SLC35A5: variants seen among roughly 807,000 people sequenced by gnomAD.
SLC35A5 encodes solute carrier family 35 member A5, also known as UDP-sugar transporter protein SLC35A5.
Under a neutral mutation model 36.3 loss-of-function variants are expected in SLC35A5, and 28 were observed. The observed-to-expected ratio is 0.77, with a 90% CI of 0.57 to 1.06. The LOEUF is 1.06. SLC35A5 is among the 50% of genes least tolerant of loss of function. The pLI is 0.00. For missense variants in SLC35A5, 521 were observed against 499.3 expected, an observed-to-expected ratio of 1.04 and a Z score of -0.41; for synonymous variants, 180 against 173.7, an observed-to-expected ratio of 1.04 and a Z score of -0.29.
At chr3:112,567,479 A>G (rs1934249749) in intron 2 of SLC35A5, among the ~76,000 whole-genome samples, 1 of 152,052 alleles carries the variant, frequency 6.6e-6, no homozygotes, top group Non-Finnish European at 1.5e-5. Context: ...TTTTTAGTAG[A>G]TACGTGGTTT....
Position 112,581,152 on chromosome 3 carries a change from A to G in SLC35A5, c.1035A>G (p.Thr345=). Residue 345 remains threonine, a synonymous_variant, in exon 6 of 7, where the codon ACA becomes ACG. Coordinates refer to ENST00000492406, the MANE Select transcript of SLC35A5 (RefSeq NM_017945.5). ...AGGTTACCACTGTCATTATCACAACAGTGTCTGTCCTGGTCTTTGACTTCA... is the reference window on the plus strand; with the variant it reads ...AGGTTACCACTGTCATTATCACAACGGTGTCTGTCCTGGTCTTTGACTTCA... ...MAQVTTVIIT[T]VSVLVFDFRP... 6.2e-7 allele frequency: 1 copy of G among 1,613,994 alleles called. No homozygotes were observed. The highest frequency in any genetic ancestry group is 8.5e-7 in the Non-Finnish European group (1 of 1,179,944).
rs73229388 is a variant in SLC35A5 at position 112,566,359 on chromosome 3, A to G, written c.131-2812A>G. On this transcript the variant is annotated intron_variant, in intron 2 of 6. Coordinates refer to ENST00000492406, the MANE Select transcript of SLC35A5 (RefSeq NM_017945.5). ...GAGGGAAATACCAATTATATGAATA[A>G]ATAGGAGGTAGGTTTTCGTTTGGAT... Among the ~76,000 whole-genome samples, 1,149 of 152,326 alleles carry G rather than the reference A, an allele frequency of 7.5e-3. 6 individuals carry two copies. Among genetic ancestry groups the G allele is most frequent in the Non-Finnish European group, 0.012 (797 of 68,026 alleles).
At position 112,583,196 on chromosome 3, in the gene SLC35A5, T is replaced by C. The variant is rs1935011224; in HGVS notation, c.*460T>C. On this transcript the variant is annotated 3_prime_UTR_variant, in exon 7 of 7. Transcript: ENST00000492406. ...TTTTGAGGCCCTAGAGATAGTCATT[T>C]TGCAAGTAAAGAGCAACGGGACCCT... is the stretch of plus-strand genomic sequence containing the variant. The C allele has an allele frequency of 1.0e-5, 4 of 398,048 alleles. No homozygotes were observed. The East Asian group carries it at 1.4e-4, about 14-fold the overall frequency. The allele number at this position is 398,048 out of a possible 1,614,324, so 24.7% of individuals were successfully genotyped here.
At chr3:112,575,233 A>G (rs373946534) in intron 5 of SLC35A5, among the ~76,000 whole-genome samples, 6 of 152,174 alleles carry the variant, frequency 3.9e-5, no homozygotes, top group African/African-American at 1.4e-4. Context: ...AGGTCTCAAA[A>G]ACATGTATTT....
chr3:112,564,169 T>C (rs1934082755), intron 2 of SLC35A5: 1 of 151,860 alleles, frequency 6.6e-6, no homozygotes, highest in African/African-American at 2.4e-5. Context: ...AGACAAAGTA[T>C]AGAGAAAGAA....
At position 112,582,704 on chromosome 3, in the gene SLC35A5, A is replaced by G. The variant is rs780945610; in HGVS notation, c.1243A>G (p.Lys415Glu). ...GEELERLTKP[K>E]SDESDEDTF ...AGAACTAGAAAGACTTACCAAACCC[A>G]AGAGTGATGAGTCAGATGAAGATAC... The change falls in exon 7 of 7, where the codon AAG (lysine) becomes GAG (glutamate). Residue 415 changes from lysine (K) to glutamate (E), a missense_variant. By Grantham distance (56) the Lys-to-Glu change is moderately conservative. Coordinates refer to ENST00000492406, the MANE Select transcript of SLC35A5 (RefSeq NM_017945.5). 6.2e-7 allele frequency: 1 copy of G among 1,612,910 alleles called. No individual in the cohort carries two copies. Among genetic ancestry groups the G allele is most frequent in the Non-Finnish European group, 8.5e-7 (1 of 1,179,212 alleles).
At chr3:112,574,080 T>A in intron 5 of SLC35A5, 124 bp downstream of exon 5, 1 of 799,604 alleles carries the variant, frequency 1.3e-6, no homozygotes, top group Non-Finnish European at 2.0e-6. Context: ...TAATTGACTT[T>A]GTGTACTGGG....
intron 2 of SLC35A5, among the ~76,000 whole-genome samples, 168 bp downstream of exon 2, chr3:112,563,701 A>C (rs1934058341): frequency 6.6e-6 from 1 of 152,272 alleles, no homozygotes; most frequent in African/African-American, 2.4e-5. Flanking sequence ...CTCAACAAGA[A>C]AAAATGTTTG....
intron 2 of SLC35A5, among the ~76,000 whole-genome samples, chr3:112,567,093 G>A (rs1934229723): frequency 6.6e-6 from 1 of 151,956 alleles, no homozygotes; most frequent in Non-Finnish European, 1.5e-5. Context: ...GGGCGTGGTG[G>A]CGGGCACCTG....
At chr3:112,571,968 C>G (rs1346373948) in intron 4 of SLC35A5, among the ~76,000 whole-genome samples, 1 of 105,784 alleles carries the variant, frequency 9.5e-6, no homozygotes, top group African/African-American at 3.7e-5. Flanking sequence ...CGGAGTCTTG[C>G]TCTGTCGCCC....
intron 6 of SLC35A5, 66 bp downstream of exon 6, chr3:112,581,392 A>G (rs538184145): frequency 2.7e-6 from 4 of 1,458,418 alleles, no homozygotes; most frequent in African/African-American, 2.8e-5. Flanking sequence ...TAATTCAAGG[A>G]AAAAAATAAA....
In SLC35A5 at chr3:112,563,390, TAAA is replaced by T. The variant is rs745690510; in HGVS notation, c.-10_-8del. On this transcript the variant is annotated 5_prime_UTR_variant, in exon 2 of 7. Coordinates refer to ENST00000492406, the MANE Select transcript of SLC35A5 (RefSeq NM_017945.5). ...AAAGTGTTTTTCTCTTTAAGGTAAT[TAAA>T]AAACAGTGGAATGGAAAAACAGTGC... 5 of 1,489,342 alleles carry T rather than the reference TAAA, an allele frequency of 3.4e-6. No individual in the cohort carries two copies. The South Asian group carries it at 5.4e-5, about 16-fold the overall frequency. The allele number at this position is 1,489,342 out of a possible 1,614,324, so 92.3% of individuals were successfully genotyped here.
Position 112,570,668 on chromosome 3 carries a change from C to A in SLC35A5, c.358C>A (p.Pro120Thr). ...CTTCTATGTCCTGTCCTATCTTCAACCAGTAAGTAAATATGAAAAAGAAAA... is the reference window on the plus strand; with the variant it reads ...CTTCTATGTCCTGTCCTATCTTCAAACAGTAAGTAAATATGAAAAAGAAAA... Reference protein sequence around the residue: ...IVFYVLSYLQPAMAVIFSNFS... With the variant: ...IVFYVLSYLQTAMAVIFSNFS... Residue 120 changes from proline to threonine, a missense_variant and splice_region_variant, in exon 4 of 7, where the codon CCA becomes ACA. By Grantham distance (38) the Pro-to-Thr change is conservative. Transcript: ENST00000492406. 1.9e-6 allele frequency: 3 copies of A among 1,553,462 alleles called. No homozygotes were observed. The highest frequency in any genetic ancestry group is 2.1e-5 in the Admixed American group (1 of 48,660).
At chr3:112,571,307 A>C (rs777001414) in intron 4 of SLC35A5, among the ~76,000 whole-genome samples, 1 of 152,130 alleles carries the variant, frequency 6.6e-6, no homozygotes, top group Non-Finnish European at 1.5e-5. Context: ...GCTTTCACTT[A>C]TTACTCAGTT....
At chr3:112,565,305 T>C (rs1934146499) in intron 2 of SLC35A5, among the ~76,000 whole-genome samples, 1 of 152,126 alleles carries the variant, frequency 6.6e-6, no homozygotes, top group South Asian at 2.1e-4. Context: ...TGGTAGGGGA[T>C]GATGTGGAGT....
Position 112,570,657 on chromosome 3 carries a change from C to G in SLC35A5, c.347C>G (p.Ser116Cys), listed in dbSNP as rs770294902. Residue 116 changes from serine to cysteine, a missense_variant, in exon 4 of 7, where the codon TCC (serine) becomes TGC (cysteine). Coordinates refer to ENST00000492406, the MANE Select transcript of SLC35A5 (RefSeq NM_017945.5). Reference sequence around the variant, plus strand: ...AACTTGATTGTCTTCTATGTCCTGTCCTATCTTCAACCAGTAAGTAAATAT... The same window carrying G: ...AACTTGATTGTCTTCTATGTCCTGTGCTATCTTCAACCAGTAAGTAAATAT... ...LDNLIVFYVL[S>C]YLQPAMAVIF... 1.9e-6 allele frequency: 3 copies of G among 1,589,674 alleles called. No homozygotes were observed. The Admixed American group carries it at 5.3e-5, about 28-fold the overall frequency.
In SLC35A5 at chr3:112,580,884, A is replaced by G; in HGVS notation, c.767A>G (p.Glu256Gly). The G allele has an allele frequency of 1.2e-6, 2 of 1,614,152 alleles. No homozygotes were observed. Among genetic ancestry groups the G allele is most frequent in the Non-Finnish European group, 1.7e-6 (2 of 1,179,990 alleles). ...ATCTATAATGAAAAGATACTGAAGGAAGGGAACCAGCTCACTGAAAGCATC... is the reference window on the plus strand; with the variant it reads ...ATCTATAATGAAAAGATACTGAAGGGAGGGAACCAGCTCACTGAAAGCATC... Reference protein sequence around the residue: ...ANIYNEKILKEGNQLTESIFI... With the variant: ...ANIYNEKILKGGNQLTESIFI... Residue 256 changes from glutamate to glycine, a missense_variant, in exon 6 of 7, where the codon GAA (glutamate) becomes GGA (glycine). Glu to Gly is a moderately conservative substitution (Grantham distance 98, BLOSUM62 -2). Coordinates refer to ENST00000492406, the MANE Select transcript of SLC35A5 (RefSeq NM_017945.5).
At chr3:112,561,414 GAGCATGTGCCTGACAGCTCCCGGCA>G, upstream of SLC35A5, 1 of 1,596,720 alleles carries the variant, frequency 6.3e-7, no homozygotes, top group Non-Finnish European at 8.6e-7. Context: ...CTGAAAAGTC[GAGCATGTGCCTGACAGCTCCCGGCA>G]ACCCTGGCCT....
Position 112,584,184 on chromosome 3 carries a change from G to A in SLC35A5, c.*1448G>A, listed in dbSNP as rs1425024077. The A allele has an allele frequency of 6.6e-6, 1 of 152,104 alleles. No homozygotes were observed. The highest frequency in any genetic ancestry group is 1.5e-5 in the Non-Finnish European group (1 of 68,010). 9.4% of individuals were successfully genotyped at this position (152,104 alleles called of 1,614,324 possible). A position where few individuals can be genotyped will look rare whatever the true frequency, so the allele number is the denominator to read the frequency against. The stretch of plus-strand genomic sequence containing the variant: ...TCTTGTGTTGCCACTCTGTCATTTA[G>A]GGTGGGATGTAGAGTACTTTTAATC... On this transcript the variant is annotated 3_prime_UTR_variant, in exon 7 of 7. Transcript: ENST00000492406.
Sources: allele counts gnomAD v4.1 joint callset (sites outside exome capture counted in the v4.1 genomes callset), GRCh38; gene constraint gnomAD v4.1.1; transcripts MANE v1.5; gene names NCBI Gene and HGNC (gene_info 2026-07-23, HGNC 2026-07-21).